The following CLIP1 variants were observed in gnomAD, a reference collection of about 807,000 sequenced individuals.
CLIP1 encodes the protein CAP-Gly domain-containing linker protein 1.
In CLIP1, 66 loss-of-function variants were observed where a neutral mutation model predicts 161.6. The observed-to-expected ratio is 0.41, with a 90% CI of 0.33 to 0.50. CLIP1 has a LOEUF of 0.50. Ranked by LOEUF, CLIP1 falls within the 20% of genes least tolerant of loss-of-function variation. The pLI is 0.27. For synonymous variants in CLIP1, 598 were observed against 626.2 expected (o/e 0.96, Z 0.67); for missense variants, 1,376 against 1,702.0 (o/e 0.81, Z 3.37).
Position 122,420,285 on chromosome 12 carries a change from C to T in CLIP1, c.-107+2236G>A, listed in dbSNP as rs1956897159. On this transcript the variant is annotated intron_variant, in intron 1 of 25. Coordinates refer to ENST00000620786, the MANE Select transcript of CLIP1 (RefSeq NM_001247997.2). ...GCTTGAACCCAGTAGGCAGAGGTTGCAGTGAGCCGAGATCACTCCATTGCA... is the reference window on the plus strand; with the variant it reads ...GCTTGAACCCAGTAGGCAGAGGTTGTAGTGAGCCGAGATCACTCCATTGCA... 2.6e-5 allele frequency among the ~76,000 whole-genome samples: 4 copies of T among 151,078 alleles called. 1 individual carries two copies. Among genetic ancestry groups the T allele is most frequent in the South Asian group, 4.2e-4 (2 of 4,796 alleles).
intron 1 of CLIP1, among the ~76,000 whole-genome samples, chr12:122,402,154 T>C (rs1382428212): frequency 6.6e-6 from 1 of 152,140 alleles, no homozygotes; most frequent in African/African-American, 2.4e-5. Flanking sequence ...AAAAGAATCA[T>C]GTGAAATTAA....
chr12:122,322,680 G>T (rs933867651), intron 17 of CLIP1: 3 of 152,690 alleles, frequency 2.0e-5, no homozygotes, highest in Admixed American at 6.6e-5. Flanking sequence ...ATCCTCCCGT[G>T]AAGTTGATTG....
Position 122,377,773 on chromosome 12 carries a change from A to C in CLIP1, c.273T>G (p.Val91=). Residue 91 remains valine (V), a synonymous_variant, in exon 3 of 26, where the codon GTT becomes GTG. Transcript: ENST00000620786. ...QFAPGQWAGI[V]LDEPIGKNDG... ...CGTTCTTGCCTATGGGTTCATCTAA[A>C]ACAATTCCAGCCCACTGGCCTGGTG... is the stretch of plus-strand genomic sequence containing the variant. The C allele has an allele frequency of 6.2e-7, 1 of 1,613,894 alleles. No individual in the cohort carries two copies. Among genetic ancestry groups the C allele is most frequent in the Non-Finnish European group, 8.5e-7 (1 of 1,179,978 alleles).
At chr12:122,334,768 C>A in intron 12 of CLIP1, 63 bp from the exon 13 acceptor site, 1 of 1,044,544 alleles carries the variant, frequency 9.6e-7, no homozygotes, top group Non-Finnish European at 1.4e-6. Flanking sequence ...CAAGAAGTTT[C>A]TATCAATTAT....
chr12:122,387,571 TA>T (rs1955357642), intron 1 of CLIP1, among the ~76,000 whole-genome samples: 1 of 4,172 alleles, frequency 2.4e-4, no homozygotes, highest in African/African-American at 4.1e-4. Context: ...TATATATATA[TA>T]TATATATATA....
chr12:122,338,700 G>C (rs766462230), intron 11 of CLIP1, among the ~76,000 whole-genome samples: 3 of 152,144 alleles, frequency 2.0e-5, no homozygotes, highest in Middle Eastern at 3.2e-3. Context: ...CTGCGCAACA[G>C]AGTGAGACTG....
At chr12:122,284,209 A>AT (rs1955759562) in intron 21 of CLIP1, among the ~76,000 whole-genome samples, 5 of 152,146 alleles carry the variant, frequency 3.3e-5, no homozygotes, top group Non-Finnish European at 7.4e-5. Context: ...TGAAATTTTC[A>AT]CTCCCAGAAA....
At chr12:122,286,763 C>T (rs964845577) in intron 21 of CLIP1, among the ~76,000 whole-genome samples, 2 of 152,004 alleles carry the variant, frequency 1.3e-5, no homozygotes, top group Non-Finnish European at 2.9e-5. Context: ...CTTTGGGAGG[C>T]TGAGGCAGGC....
intron 1 of CLIP1, among the ~76,000 whole-genome samples, chr12:122,406,180 C>T (rs1437888468): frequency 6.6e-6 from 1 of 152,178 alleles, no homozygotes; most frequent in African/African-American, 2.4e-5. Flanking sequence ...CTCAGTGGCT[C>T]ACGCCCATAA....
chr12:122,279,045 C>T lies in CLIP1; in HGVS notation c.3748G>A (p.Glu1250Lys), dbSNP rs1955543439. 6.2e-7 allele frequency: 1 copy of T among 1,612,328 alleles called. No homozygotes were observed. Among genetic ancestry groups the T allele is most frequent in the Non-Finnish European group, 8.5e-7 (1 of 1,179,560 alleles). ...ALLTEKDAEL[E>K]KLRNEVTVLR... ...TACTCTACCTCATTTCTCAGTTTCTCCAGCTCGGCATCCTTTTCTGTGAGT... is the reference window on the plus strand; with the variant it reads ...TACTCTACCTCATTTCTCAGTTTCTTCAGCTCGGCATCCTTTTCTGTGAGT... The change falls in exon 22 of 26, where the codon GAG becomes AAG. Residue 1250 changes from glutamate to lysine, a missense_variant. This residue lies in a region of CLIP1 where 948 missense variants were observed against 1,134.8 expected (regional missense o/e 0.84). Coordinates refer to ENST00000620786, the MANE Select transcript of CLIP1 (RefSeq NM_001247997.2). The surrounding 1 kb of genome is among the most constrained non-coding windows in gnomAD (Gnocchi z 4.5).
At chr12:122,299,246 G>A (rs922123489) in intron 20 of CLIP1, among the ~76,000 whole-genome samples, 7 of 152,088 alleles carry the variant, frequency 4.6e-5, no homozygotes, top group Non-Finnish European at 1.0e-4. Flanking sequence ...TCATTTCCAG[G>A]ATGGATAACT....
intron 1 of CLIP1, among the ~76,000 whole-genome samples, chr12:122,406,271 C>T (rs1956325197): frequency 6.6e-6 from 1 of 152,064 alleles, no homozygotes. Flanking sequence ...CATGGCGAAA[C>T]CCTGTCTCTG....
chr12:122,402,978 C>T lies in CLIP1; in HGVS notation c.-107+19543G>A, dbSNP rs531376631. ...GTGCTCAATACGTGATTATGTGGCT[C>T]GTGGCTACTACATAGGACACCACCA... On this transcript the variant is annotated intron_variant, in intron 1 of 25. Coordinates refer to ENST00000620786, the MANE Select transcript of CLIP1 (RefSeq NM_001247997.2). 1.1e-3 allele frequency among the ~76,000 whole-genome samples: 171 copies of T among 152,196 alleles called. 2 individuals are homozygous for T. The South Asian group carries it at 0.015, about 13-fold the overall frequency.
intron 1 of CLIP1, among the ~76,000 whole-genome samples, chr12:122,393,582 A>G (rs979197694): frequency 1.3e-5 from 2 of 152,226 alleles, no homozygotes; most frequent in South Asian, 4.1e-4. Flanking sequence ...TAGTGGACCC[A>G]TAAAGGGCTC....
At chr12:122,380,911 A>T (rs960502606) in intron 1 of CLIP1, among the ~76,000 whole-genome samples, 2 of 151,972 alleles carry the variant, frequency 1.3e-5, no homozygotes, top group Non-Finnish European at 2.9e-5. Context: ...AAAAATAAAA[A>T]TAAATTAGCC....
chr12:122,408,945 A>G (rs10744192), intron 1 of CLIP1, among the ~76,000 whole-genome samples: 113,206 of 151,992 alleles, frequency 0.74, 42,360 homozygotes, highest in East Asian at 0.85. Flanking sequence ...CCAAGTAGCC[A>G]GGATTACAGG....
At chr12:122,390,309 T>TATATA (rs1955599103) in intron 1 of CLIP1, among the ~76,000 whole-genome samples, 1 of 139,596 alleles carries the variant, frequency 7.2e-6, no homozygotes, top group Admixed American at 7.5e-5. Flanking sequence ...TATATGTATA[T>TATATA]ATATATATAT....
chr12:122,360,410 C>CTA (rs1358948566), intron 5 of CLIP1, among the ~76,000 whole-genome samples: 2 of 87,362 alleles, frequency 2.3e-5, no homozygotes, highest in African/African-American at 9.1e-5. Context: ...CCTCTCTCTA[C>CTA]AAAAAAAAAA....
Position 122,336,873 on chromosome 12 carries a change from C to T in CLIP1, c.2452-125G>A, listed in dbSNP as rs114676585. On this transcript the variant is annotated intron_variant, in intron 11 of 25. Coordinates refer to ENST00000620786, the MANE Select transcript of CLIP1 (RefSeq NM_001247997.2). ...ACATAAAACAAAACTGAAAGGAATACAAATTTGGTGTTGGTTTTTAATTCT... is the reference window on the plus strand; with the variant it reads ...ACATAAAACAAAACTGAAAGGAATATAAATTTGGTGTTGGTTTTTAATTCT... 6.8e-3 allele frequency: 3,005 copies of T among 441,110 alleles called. 56 individuals carry two copies. The highest frequency in any genetic ancestry group is 0.04 in the African/African-American group (1,943 of 49,104). The allele number at this position is 441,110 out of a possible 1,614,324, so 27.3% of individuals were successfully genotyped here.
Sources: allele counts gnomAD v4.1 joint callset (sites outside exome capture counted in the v4.1 genomes callset), GRCh38; gene constraint gnomAD v4.1.1; regional missense constraint gnomAD v4.1.1; non-coding constraint Gnocchi (gnomAD v3.1); transcripts MANE v1.5; gene names NCBI Gene and HGNC (gene_info 2026-07-23, HGNC 2026-07-21).